Variants in CACNA1H observed in about 807,000 individuals in gnomAD.
CACNA1H encodes voltage-dependent T-type calcium channel subunit alpha-1H.
Under a neutral mutation model 192.5 loss-of-function variants are expected in CACNA1H, and 149 were observed. That is an observed-to-expected ratio of 0.77 (90% confidence interval 0.68 to 0.89). The LOEUF (loss-of-function observed/expected upper bound fraction) is 0.89, where lower values mean the gene tolerates loss of function less well. Ranked by LOEUF, CACNA1H falls within the 40% of genes least tolerant of loss-of-function variation. The pLI is 0.00. For synonymous variants in CACNA1H, 2,202 were observed against 1,475.2 expected, an observed-to-expected ratio of 1.49 and a Z score of -11.29; for missense variants, 4,257 against 3,423.5, an observed-to-expected ratio of 1.24 and a Z score of -6.08.
intron 2 of CACNA1H, among the ~76,000 whole-genome samples, chr16:1,192,832 G>T (rs1395404576): frequency 6.6e-6 from 1 of 152,030 alleles, no homozygotes; most frequent in African/African-American, 2.4e-5. Flanking sequence ...TGGAGTCCAG[G>T]GGTGGCTGGA....
At position 1,205,350 on chromosome 16, in the gene CACNA1H, A is replaced by C. The variant is rs1195032510; in HGVS notation, c.2603+85A>C. On this transcript the variant is annotated intron_variant, in intron 11 of 34. Coordinates refer to ENST00000348261, the MANE Select transcript of CACNA1H (RefSeq NM_021098.3). ...ATCCCACCTGCAGAGCAAAACCCAG[A>C]GCACAGGAGGAAGTACGACGATAGC... The C allele has an allele frequency of 6.5e-6, 9 of 1,381,992 alleles. No individual in the cohort carries two copies. In the East Asian group the frequency reaches 2.1e-4, roughly 32 times the overall value. 85.6% of individuals were successfully genotyped at this position (1,381,992 alleles called of 1,614,324 possible). A position where few individuals can be genotyped will look rare whatever the true frequency, so the allele number is the denominator to read the frequency against.
Position 1,153,824 on chromosome 16 carries a change from C to G in CACNA1H, c.87C>G (p.Ser29=), listed in dbSNP as rs1190196888. The G allele has an allele frequency of 3.1e-6, 4 of 1,285,034 alleles. No homozygotes were observed. Among genetic ancestry groups the G allele is most frequent in the Non-Finnish European group, 3.9e-6 (4 of 1,017,486 alleles). The allele number at this position is 1,285,034 out of a possible 1,614,324, so 79.6% of individuals were successfully genotyped here. A position where few individuals can be genotyped will look rare whatever the true frequency, so the allele number is the denominator to read the frequency against. The change falls in exon 2 of 35, where the codon TCC becomes TCG. Residue 29 remains serine, a synonymous_variant. Transcript: ENST00000348261. The part of the protein sequence containing the change: ...PPGPAALVGA[S]PESPGAPGRE... ...GCCCTGCGGCGTTGGTGGGGGCGTC[C>G]CCGGAGAGCCCCGGGGCGCCGGGAC...
Position 1,220,948 on chromosome 16 carries a change from C to A in CACNA1H, c.7016C>A (p.Pro2339His). 6.2e-7 allele frequency: 1 copy of A among 1,606,804 alleles called. No individual in the cohort carries two copies. Among genetic ancestry groups the A allele is most frequent in the Non-Finnish European group, 8.5e-7 (1 of 1,176,402 alleles). Residue 2339 changes from proline to histidine, a missense_variant, in exon 35 of 35, where the codon CCC (proline) becomes CAC (histidine). Pro to His is a moderately conservative substitution (Grantham distance 77). Coordinates refer to ENST00000348261, the MANE Select transcript of CACNA1H (RefSeq NM_021098.3). The part of the protein sequence containing the change: ...PQCPLEKPGS[P>H]SATPAPGGGA... ...TGTCCTCTGGAGAAACCAGGGTCCC[C>A]CTCAGCCACCCCTGCCCCAGGGGGT...
In CACNA1H at chr16:1,180,748, G is replaced by C. The variant is rs1047592675; in HGVS notation, c.300-14224G>C. Among the ~76,000 whole-genome samples, 2 of 152,144 alleles carry C rather than the reference G, an allele frequency of 1.3e-5. No homozygotes were observed. The highest frequency in any genetic ancestry group is 2.9e-5 in the Non-Finnish European group (2 of 67,996). On this transcript the variant is annotated intron_variant, in intron 2 of 34. Coordinates refer to ENST00000348261, the MANE Select transcript of CACNA1H (RefSeq NM_021098.3). This position sits in a 1 kb window ranked among gnomAD's most constrained non-coding sequence, Gnocchi z 4.4. ...GTGCAGCGGGGGCTGGGATGCCGCC[G>C]AATAGGGGCCTGTGGCTCCCACAGG...
At position 1,201,647 on chromosome 16, in the gene CACNA1H, C is replaced by T. The variant is rs1398418193; in HGVS notation, c.1213-16C>T. On this transcript the variant is annotated splice_polypyrimidine_tract_variant and intron_variant, in intron 8 of 34. Coordinates refer to ENST00000348261, the MANE Select transcript of CACNA1H (RefSeq NM_021098.3). ...TCGCTCACTCACTGCCACTTACCCGCCCGCCCCCGTCACAGGTGGGCTCCT... is the reference window on the plus strand; with the variant it reads ...TCGCTCACTCACTGCCACTTACCCGTCCGCCCCCGTCACAGGTGGGCTCCT... The T allele has an allele frequency of 7.0e-6, 11 of 1,562,316 alleles. No individual in the cohort carries two copies. Among genetic ancestry groups the T allele is most frequent in the Non-Finnish European group, 9.5e-6 (11 of 1,152,762 alleles).
intron 2 of CACNA1H, among the ~76,000 whole-genome samples, chr16:1,158,203 C>T (rs977432384): frequency 2.0e-5 from 3 of 152,158 alleles, no homozygotes; most frequent in Admixed American, 6.5e-5. Context: ...TGCCTCCCCA[C>T]CCCCACAGCT....
chr16:1,157,002 G>C (rs1962507125), intron 2 of CACNA1H: 1 of 152,244 alleles, frequency 6.6e-6, no homozygotes, highest in African/African-American at 2.4e-5. Flanking sequence ...CTCCTCCACA[G>C]GTTTATTTAT....
chr16:1,217,135 C>T (rs1970093662), intron 31 of CACNA1H, 125 bp downstream of exon 31: 1 of 772,308 alleles, frequency 1.3e-6, no homozygotes, highest in Non-Finnish European at 2.1e-6. Flanking sequence ...CCACACGCCT[C>T]CTGGGCGTCC....
Position 1,198,575 on chromosome 16 carries a change from C to G in CACNA1H, c.644-40C>G, listed in dbSNP as rs768186824. 5 of 1,607,340 alleles carry G rather than the reference C, an allele frequency of 3.1e-6. No individual in the cohort carries two copies. The Admixed American group carries it at 6.7e-5, about 21-fold the overall frequency. ...GGCTGCAGCCCCGAGGACACTCCTG[C>G]AGGGCTTAGCAGTGCCAATCCTGGC... On this transcript the variant is annotated intron_variant, in intron 5 of 34. Coordinates refer to ENST00000348261, the MANE Select transcript of CACNA1H (RefSeq NM_021098.3).
chr16:1,180,786 G>A lies in CACNA1H; in HGVS notation c.300-14186G>A, dbSNP rs1054854984. ...TGGCTCCCACAGGGAGGCCCCTTAG[G>A]TGAAGAGGACCAGAGTGAGGTCAGC... On this transcript the variant is annotated intron_variant, in intron 2 of 34. Coordinates refer to ENST00000348261, the MANE Select transcript of CACNA1H (RefSeq NM_021098.3). This position sits in a 1 kb window ranked among gnomAD's most constrained non-coding sequence, Gnocchi z 4.4. 6.6e-6 allele frequency among the ~76,000 whole-genome samples: 1 copy of A among 152,156 alleles called. No individual in the cohort carries two copies. Among genetic ancestry groups the A allele is most frequent in the Non-Finnish European group, 1.5e-5 (1 of 67,998 alleles).
chr16:1,192,259 G>T (rs1031849692), intron 2 of CACNA1H, among the ~76,000 whole-genome samples: 13 of 152,336 alleles, frequency 8.5e-5, no homozygotes, highest in African/African-American at 3.1e-4. Context: ...GGCAGAGGGG[G>T]CAAAGGTGTC....
chr16:1,166,645 C>G (rs776078650), intron 2 of CACNA1H, among the ~76,000 whole-genome samples: 7 of 152,146 alleles, frequency 4.6e-5, no homozygotes, highest in Non-Finnish European at 7.4e-5. Flanking sequence ...CCTTTTCCGT[C>G]TCCGAGGTTG....
In CACNA1H at chr16:1,204,110, G is replaced by C; in HGVS notation, c.2103G>C (p.Pro701=). Reference sequence around the variant, plus strand: ...TGACCTGTGAGCTGAAGAGCTGCCCGTACTGCACCCGTGCCCTGGAGGACC... The same window carrying C: ...TGACCTGTGAGCTGAAGAGCTGCCCCTACTGCACCCGTGCCCTGGAGGACC... ...GTLTCELKSC[P]YCTRALEDPE... Residue 701 remains proline (P), a synonymous_variant, in exon 10 of 35, where the codon CCG becomes CCC. Transcript: ENST00000348261. 2 of 1,611,650 alleles carry C rather than the reference G, an allele frequency of 1.2e-6. No individual in the cohort carries two copies. Among genetic ancestry groups the C allele is most frequent in the Non-Finnish European group, 1.7e-6 (2 of 1,179,504 alleles).
At chr16:1,213,655 C>A (rs1293471405) in intron 26 of CACNA1H, 125 bp from the exon 27 acceptor site, 6 of 638,370 alleles carry the variant, frequency 9.4e-6, no homozygotes, top group Non-Finnish European at 1.5e-5. Context: ...GCCCCATCTT[C>A]ACATGAGCCG....
rs530546031 is a variant in CACNA1H at position 1,173,775 on chromosome 16, A to C, written c.299+19739A>C. Among the ~76,000 whole-genome samples the C allele has an allele frequency of 1.9e-4, 29 of 152,292 alleles. 1 individual carries two copies. Among genetic ancestry groups the C allele is most frequent in the African/African-American group, 6.7e-4 (28 of 41,546 alleles). On this transcript the variant is annotated intron_variant, in intron 2 of 34. Transcript: ENST00000348261. ...AGGCTCACCCCGGGAGAATTCCCCT[A>C]CTCCTGAAAGGCTGTGGGTGTTGAC... is the stretch of plus-strand genomic sequence containing the variant.
intron 2 of CACNA1H, among the ~76,000 whole-genome samples, chr16:1,155,060 G>A (rs937755320): frequency 2.6e-5 from 4 of 152,216 alleles, no homozygotes; most frequent in Non-Finnish European, 5.9e-5. Context: ...CAGCAGGAGC[G>A]GCCTGTGTAC....
chr16:1,198,422 G>A (rs547898982), intron 5 of CACNA1H, among the ~76,000 whole-genome samples, 193 bp from the exon 6 acceptor site: 1 of 152,268 alleles, frequency 6.6e-6, no homozygotes, highest in South Asian at 2.1e-4. Context: ...GGAGGCCGGT[G>A]GTGGTAGGAG....
intron 2 of CACNA1H, among the ~76,000 whole-genome samples, chr16:1,193,294 T>TG (rs1966777317): frequency 6.6e-6 from 1 of 152,232 alleles, no homozygotes; most frequent in African/African-American, 2.4e-5. Flanking sequence ...TGCCCGAGGC[T>TG]GGGGGCGGAG....
chr16:1,174,709 C>G (rs554370321), intron 2 of CACNA1H, among the ~76,000 whole-genome samples: 5 of 152,200 alleles, frequency 3.3e-5, no homozygotes, highest in Non-Finnish European at 7.4e-5. Context: ...ATGACTCAGA[C>G]AGTTCACAGA....
Sources: allele counts gnomAD v4.1 joint callset (sites outside exome capture counted in the v4.1 genomes callset), GRCh38; gene constraint gnomAD v4.1.1; non-coding constraint Gnocchi (gnomAD v3.1); transcripts MANE v1.5; gene names NCBI Gene and HGNC (gene_info 2026-07-23, HGNC 2026-07-21).